TTN: variants seen among roughly 807,000 people sequenced by gnomAD.
TTN encodes titin.
In TTN, 1,525 loss-of-function variants were observed where a neutral mutation model predicts 3,223.0. That is an observed-to-expected ratio of 0.47 (90% CI 0.45 to 0.49). The LOEUF is 0.49. Ranked by LOEUF, TTN falls within the 20% of genes least tolerant of loss-of-function variation. The probability of loss-of-function intolerance (pLI) is 0.00; values close to 1 mark genes in which losing one functional copy is unlikely to be tolerated. For missense variants in TTN, 40,786 were observed against 43,424.0 expected (o/e 0.94, Z 5.40); for synonymous variants, 14,094 against 15,161.0 (o/e 0.93, Z 5.17).
At position 178,650,739 on chromosome 2, in the gene TTN, T is replaced by G; in HGVS notation, c.39709+12A>C. The G allele has an allele frequency of 3.1e-6, 5 of 1,589,756 alleles. No homozygotes were observed. Among genetic ancestry groups the G allele is most frequent in the Non-Finnish European group, 4.3e-6 (5 of 1,167,706 alleles). On this transcript the variant is annotated intron_variant, in intron 209 of 362. Coordinates refer to ENST00000589042, the MANE Select transcript of TTN (RefSeq NM_001267550.2). ...AAGTGGCAAGGTCATTAATCACCGG[T>G]CTCACGTGTACCTTCTGGGGGAGGA...
chr2:178,536,466 G>A lies in TTN; in HGVS notation c.100281C>T (p.Tyr33427=), dbSNP rs373085562. 8.7e-6 allele frequency: 14 copies of A among 1,601,666 alleles called. No individual in the cohort carries two copies. In the African/African-American group the frequency reaches 1.7e-4, roughly 20 times the overall value. Residue 33427 remains tyrosine, a synonymous_variant, in exon 357 of 363, where the codon TAC becomes TAT. Transcript: ENST00000589042. ...GCTTCTTCTCACGCTTCTCAAGGTA[G>A]TAATTTCTAATCTTTGCACCTCCAT... The part of the protein sequence containing the change: ...ASDGGAKIRN[Y]YLEKREKKQN...
chr2:178,647,219 C>T lies in TTN; in HGVS notation c.40142-75G>A. On this transcript the variant is annotated intron_variant, in intron 214 of 362. Transcript: ENST00000589042. ...TGCAACTACTATTCTAACATATCAA[C>T]CTAGTTACATTAAGTAACACTCTAT... is the stretch of plus-strand genomic sequence containing the variant. 3.5e-6 allele frequency: 4 copies of T among 1,138,288 alleles called. 1 individual carries two copies. The South Asian group carries it at 7.3e-5, about 21-fold the overall frequency. 70.5% of individuals were successfully genotyped at this position (1,138,288 alleles called of 1,614,324 possible).
intron 52 of TTN, 143 bp from the exon 53 acceptor site, chr2:178,734,035 G>C: frequency 4.3e-6 from 4 of 932,546 alleles, no homozygotes; most frequent in East Asian, 2.8e-5. Flanking sequence ...AGAAATAAAA[G>C]TTAAGAATAA....
chr2:178,613,321 A>G, intron 263 of TTN, 45 bp from the exon 264 acceptor site: 1 of 1,403,494 alleles, frequency 7.1e-7, no homozygotes, highest in Non-Finnish European at 9.8e-7. Flanking sequence ...GGTAAGAAGC[A>G]GAAGAAGCCT....
chr2:178,719,054 G>A, intron 83 of TTN, 81 bp from the exon 84 acceptor site: 1 of 1,521,370 alleles, frequency 6.6e-7, no homozygotes, highest in Non-Finnish European at 8.8e-7. Context: ...TAAAAAAAGG[G>A]AGCTAAGACT....
In TTN at chr2:178,635,453, C is replaced by T; in HGVS notation, c.41871G>A (p.Lys13957=). Residue 13957 remains lysine (K), a synonymous_variant, in exon 227 of 363, where the codon AAG becomes AAA. Transcript: ENST00000589042. ...VEIEGKRYPA[K]LTLGEREVEL... ...AAGATTTTATACCTCCAAGTGTCAG[C>T]TTTGCAGGGTATCTTTTTCCTTCAA... 6.2e-7 allele frequency: 1 copy of T among 1,607,582 alleles called. No homozygotes were observed. Among genetic ancestry groups the T allele is most frequent in the Non-Finnish European group, 8.5e-7 (1 of 1,176,860 alleles).
At chr2:178,706,303 G>A in intron 102 of TTN, 151 bp downstream of exon 102, 2 of 767,224 alleles carry the variant, frequency 2.6e-6, no homozygotes, top group South Asian at 2.0e-5. Context: ...CAATGTAAGT[G>A]CTGTGTAAAT....
intron 34 of TTN, 139 bp from the exon 35 acceptor site, chr2:178,770,814 T>TA (rs748582284): frequency 2.7e-6 from 3 of 1,106,244 alleles, no homozygotes; most frequent in East Asian, 2.3e-5. Flanking sequence ...ACCTCTGTTT[T>TA]AAAAAACACC....
chr2:178,805,876 A>C (rs2094295475), intron 1 of TTN, among the ~76,000 whole-genome samples: 1 of 152,190 alleles, frequency 6.6e-6, no homozygotes, highest in Non-Finnish European at 1.5e-5. Context: ...ATTTGCAGTT[A>C]AGTCATTTTG....
chr2:178,669,616 T>G lies in TTN; in HGVS notation c.35446A>C (p.Lys11816Gln), dbSNP rs1294169281. 6.2e-7 allele frequency: 1 copy of G among 1,612,372 alleles called. No individual in the cohort carries two copies. The highest frequency in any genetic ancestry group is 2.2e-5 in the East Asian group (1 of 44,822). The change falls in exon 158 of 363, where the codon AAG (lysine) becomes CAG (glutamine). Residue 11816 changes from lysine (K) to glutamine (Q), a missense_variant. Transcript: ENST00000589042. ...CCTTTAGCTGGTGGAACTTCAGGCT[T>G]TTTCAGAACAGCTTCACGAACTTTT... Reference protein sequence around the residue: ...EEKVREAVLKKPEVPPAKVPG... With the variant: ...EEKVREAVLKQPEVPPAKVPG...
At position 178,626,221 on chromosome 2, in the gene TTN, T is replaced by TGCA. The variant is rs1325622758; in HGVS notation, c.44425-828_44425-826dup. 2.0e-5 allele frequency among the ~76,000 whole-genome samples: 3 copies of TGCA among 152,120 alleles called. No homozygotes were observed. The East Asian group carries it at 5.8e-4, about 30-fold the overall frequency. On this transcript the variant is annotated intron_variant, in intron 240 of 362. Transcript: ENST00000589042. Reference sequence around the variant, plus strand: ...TTTATTTTAGCAATTAAACTTATTTTGCAAACCAATTAAACCTGTGATTAA... The same window carrying TGCA: ...TTTATTTTAGCAATTAAACTTATTTTGCAGCAAACCAATTAAACCTGTGATTAA...
Position 178,601,471 on chromosome 2 carries a change from T to A in TTN, c.55526A>T (p.Asp18509Val), listed in dbSNP as rs765073012. ...SWKMPDDDGG[D>V]RIKGYVIEKR... ...CTCAATAACATAGCCTTTGATCCTG[T>A]CTCCTCCATCGTCGTCTGGCATCTT... The change falls in exon 287 of 363, where the codon GAC (aspartate) becomes GTC (valine). Residue 18509 changes from aspartate to valine, a missense_variant. Asp to Val is a radical substitution (Grantham distance 152). Transcript: ENST00000589042. 3 of 1,612,982 alleles carry A rather than the reference T, an allele frequency of 1.9e-6. No homozygotes were observed. In the South Asian group the frequency reaches 3.3e-5, roughly 18 times the overall value.
At position 178,595,778 on chromosome 2, in the gene TTN, T is replaced by G; in HGVS notation, c.57576A>C (p.Leu19192=). 3 of 1,607,326 alleles carry G rather than the reference T, an allele frequency of 1.9e-6. No homozygotes were observed. Among genetic ancestry groups the G allele is most frequent in the Non-Finnish European group, 2.5e-6 (3 of 1,176,928 alleles). Reference sequence around the variant, plus strand: ...AGGACTCATTGGTTAGGTTGTGAGCTAGGAATGGTGTTCCAACGGGACCTG... The same window carrying G: ...AGGACTCATTGGTTAGGTTGTGAGCGAGGAATGGTGTTCCAACGGGACCTG... ...DVPGPVGTPF[L]AHNLTNESCK... is the part of the protein sequence containing the mutation. The change falls in exon 295 of 363, where the codon CTA becomes CTC. Residue 19192 remains leucine (L), a synonymous_variant. Coordinates refer to ENST00000589042, the MANE Select transcript of TTN (RefSeq NM_001267550.2).
At chr2:178,774,551 G>T in intron 29 of TTN, 78 bp from the exon 30 acceptor site, 2 of 1,420,424 alleles carry the variant, frequency 1.4e-6, no homozygotes, top group Non-Finnish European at 1.9e-6. Flanking sequence ...ATGATGTCTT[G>T]TATGTCTTTT....
chr2:178,545,719 G>C, intron 343 of TTN, 26 bp from the exon 344 acceptor site: 1 of 1,604,910 alleles, frequency 6.2e-7, no homozygotes, highest in East Asian at 2.2e-5. Context: ...AGGATGATGA[G>C]AATTGCACAA....
chr2:178,782,131 T>C, intron 20 of TTN, 81 bp downstream of exon 20: 2 of 1,513,446 alleles, frequency 1.3e-6, no homozygotes, highest in Non-Finnish European at 1.8e-6. Flanking sequence ...TCAGGGTCGG[T>C]GGGGTGAGTA....
At chr2:178,787,758 C>A (rs542665224) in intron 13 of TTN, among the ~76,000 whole-genome samples, 3 of 152,120 alleles carry the variant, frequency 2.0e-5, no homozygotes, top group East Asian at 3.9e-4. Flanking sequence ...GAGGAAGCAT[C>A]TGTCTGTTTT....
chr2:178,706,957 G>GA lies in TTN; in HGVS notation c.29042-4dup, dbSNP rs1345117628. 1.0e-5 allele frequency: 16 copies of GA among 1,598,194 alleles called. No individual in the cohort carries two copies. The highest frequency in any genetic ancestry group is 1.4e-5 in the Non-Finnish European group (16 of 1,173,120). On this transcript the variant is annotated splice_polypyrimidine_tract_variant and splice_region_variant and intron_variant, in intron 100 of 362. Transcript: ENST00000589042. ...TGCTGGGGCCACAGCTGGTTTGTCT[G>GA]AAAAAACATTTACATGTTTTGTTAC...
chr2:178,527,026 T>C lies in TTN; in HGVS notation c.107962A>G (p.Ile35988Val). 3 of 1,612,920 alleles carry C rather than the reference T, an allele frequency of 1.9e-6. No individual in the cohort carries two copies. Among genetic ancestry groups the C allele is most frequent in the Non-Finnish European group, 2.5e-6 (3 of 1,179,228 alleles). The change falls in exon 363 of 363, where the codon ATT becomes GTT. Residue 35988 changes from isoleucine to valine, a missense_variant. Ile to Val is a conservative substitution (Grantham distance 29). Coordinates refer to ENST00000589042, the MANE Select transcript of TTN (RefSeq NM_001267550.2). ...GSDSATVNIH[I>V]RSI ...CACAGGCCCTCTTAAATGGATCGAA[T>C]ATGTATATTCACAGTGGCAGAGTCA...
Sources: allele counts gnomAD v4.1 joint callset (sites outside exome capture counted in the v4.1 genomes callset), GRCh38; gene constraint gnomAD v4.1.1; transcripts MANE v1.5; gene names NCBI Gene and HGNC (gene_info 2026-07-23, HGNC 2026-07-21).